The following IARS1 variants were observed in gnomAD, a reference collection of about 807,000 sequenced individuals.
IARS1 encodes isoleucine--tRNA ligase, cytoplasmic.
In IARS1, 124 loss-of-function variants were observed where a neutral mutation model predicts 168.2. That is an observed-to-expected ratio of 0.74 (90% CI 0.64 to 0.86). The LOEUF (loss-of-function observed/expected upper bound fraction) is 0.86. Among genes scored for constraint, IARS1 ranks in the 40% least tolerant of loss-of-function variants. IARS1 has a pLI of 0.00. For synonymous variants in IARS1, 532 were observed against 529.4 expected (o/e 1.00, Z -0.07); for missense variants, 1,452 against 1,515.8 (o/e 0.96, Z 0.70).
intron 26 of IARS1, among the ~76,000 whole-genome samples, 200 bp downstream of exon 26, chr9:92,247,175 CAG>C (rs1829320575): frequency 6.6e-6 from 1 of 151,478 alleles, no homozygotes; most frequent in Non-Finnish European, 1.5e-5. Flanking sequence ...GGATGGATGA[CAG>C]AGCGAGATTC....
chr9:92,289,160 T>C (rs912343434), intron 2 of IARS1, 141 bp downstream of exon 2: 35 of 505,904 alleles, frequency 6.9e-5, no homozygotes, highest in Non-Finnish European at 1.1e-4. Context: ...TGAGCAGAGA[T>C]TGCACCACTG....
At chr9:92,261,241 G>A (rs1482238416) in intron 17 of IARS1, among the ~76,000 whole-genome samples, 1 of 151,892 alleles carries the variant, frequency 6.6e-6, no homozygotes, top group African/African-American at 2.4e-5. Context: ...CCCAGGAGGT[G>A]GAGGCTGCAG....
chr9:92,277,646 G>C (rs1833950728), intron 9 of IARS1, among the ~76,000 whole-genome samples: 1 of 148,948 alleles, frequency 6.7e-6, no homozygotes, highest in Non-Finnish European at 1.5e-5. Context: ...CTGCACTCCA[G>C]CCTGGGGGAC....
chr9:92,285,259 T>C (rs965702422), intron 6 of IARS1, among the ~76,000 whole-genome samples: 5 of 152,182 alleles, frequency 3.3e-5, no homozygotes, highest in Admixed American at 2.0e-4. Flanking sequence ...ACCTCAATCA[T>C]AGCAACAACA....
At chr9:92,237,088 T>TA (rs1827661184) in intron 30 of IARS1, among the ~76,000 whole-genome samples, 1 of 152,208 alleles carries the variant, frequency 6.6e-6, no homozygotes, top group Non-Finnish European at 1.5e-5. Context: ...TCCTTCTTCT[T>TA]ACTTTGCATT....
At chr9:92,212,811 G>A (rs1256577349) in intron 33 of IARS1, among the ~76,000 whole-genome samples, 1 of 152,174 alleles carries the variant, frequency 6.6e-6, no homozygotes, top group African/African-American at 2.4e-5. Flanking sequence ...TAGCAAGACA[G>A]GGAAGGCCCA....
chr9:92,267,803 T>G (rs1230378401), intron 14 of IARS1, among the ~76,000 whole-genome samples: 1 of 152,212 alleles, frequency 6.6e-6, no homozygotes, highest in Non-Finnish European at 1.5e-5. Flanking sequence ...TCTTTTCAAG[T>G]TTTCTTTTTT....
At position 92,280,871 on chromosome 9, in the gene IARS1, A is replaced by G; in HGVS notation, c.620T>C (p.Phe207Ser). The change falls in exon 7 of 34, where the codon TTT becomes TCT. Residue 207 changes from phenylalanine (F) to serine (S), a missense_variant. Transcript: ENST00000443024. ...ATCTTCTTCCAAAGGGAAAGTTACA[A>G]ATACTGAAGGATCTTGAACATCCTG... ...NYKDVQDPSV[F>S]VTFPLEEDET... is the part of the protein sequence containing the mutation. 6.2e-7 allele frequency: 1 copy of G among 1,611,210 alleles called. No homozygotes were observed. Among genetic ancestry groups the G allele is most frequent in the South Asian group, 1.1e-5 (1 of 90,912 alleles).
intron 33 of IARS1, among the ~76,000 whole-genome samples, chr9:92,212,290 A>G (rs1048516953): frequency 6.6e-6 from 1 of 152,228 alleles, no homozygotes; most frequent in Non-Finnish European, 1.5e-5. Flanking sequence ...GAGAAAAGGC[A>G]TAATGAAAAC....
rs561585433 is a variant in IARS1, at chr9:92,243,363, C to A, written c.2905-52G>T. 4.1e-6 allele frequency: 5 copies of A among 1,231,118 alleles called. No homozygotes were observed. The East Asian group carries it at 1.2e-4, about 29-fold the overall frequency. 76.3% of individuals were successfully genotyped at this position (1,231,118 alleles called of 1,614,324 possible). A position where few individuals can be genotyped will look rare whatever the true frequency, so the allele number is the denominator to read the frequency against. ...GACAATCAAATAAGGAGAAACACTTCTTCCCAACTCAGCAAAATGTTATTT... is the reference window on the plus strand; with the variant it reads ...GACAATCAAATAAGGAGAAACACTTATTCCCAACTCAGCAAAATGTTATTT... On this transcript the variant is annotated intron_variant, in intron 27 of 33. Coordinates refer to ENST00000443024, the MANE Select transcript of IARS1 (RefSeq NM_002161.6).
At chr9:92,283,536 C>A (rs1049995814) in intron 6 of IARS1, among the ~76,000 whole-genome samples, 1 of 152,074 alleles carries the variant, frequency 6.6e-6, no homozygotes, top group Non-Finnish European at 1.5e-5. Flanking sequence ...CCCAGCTACT[C>A]GGGAGGCTGA....
intron 31 of IARS1, among the ~76,000 whole-genome samples, chr9:92,226,301 C>T (rs1006983542): frequency 1.3e-5 from 2 of 152,190 alleles, no homozygotes; most frequent in African/African-American, 4.8e-5. Flanking sequence ...TCCCATTATG[C>T]AATATCCCTG....
rs1480950312 is a variant in IARS1 at position 92,240,956 on chromosome 9, C to T, written c.3183G>A (p.Lys1061=). 1 of 1,602,650 alleles carries T rather than the reference C, an allele frequency of 6.2e-7. No individual in the cohort carries two copies. The highest frequency in any genetic ancestry group is 1.3e-5 in the African/African-American group (1 of 74,646). ...KVLIQEKTQL[K]GSELEITLTR... is the part of the protein sequence containing the mutation. ...TGAGTGTAATTTCCAGTTCAGATCC[C>T]TTCAACTGAGCACATGAGAACGTAT... The change falls in exon 30 of 34, where the codon AAG becomes AAA. Residue 1061 remains lysine, a synonymous_variant. Transcript: ENST00000443024.
intron 20 of IARS1, 82 bp from the exon 21 acceptor site, chr9:92,253,535 G>A: frequency 1.2e-6 from 1 of 837,840 alleles, no homozygotes; most frequent in Admixed American, 2.1e-5. Flanking sequence ...CAACAAAGAA[G>A]GGGCAGCTCC....
intron 27 of IARS1, 58 bp downstream of exon 27, chr9:92,244,901 T>C (rs1030824491): frequency 2.2e-6 from 3 of 1,379,290 alleles, no homozygotes; most frequent in Admixed American, 1.7e-5. Context: ...GGCAAATACT[T>C]TCTCCTCTTA....
At chr9:92,210,911 GA>G (rs35288957) in intron 33 of IARS1, 22 bp from the exon 34 acceptor site, 115,279 of 1,467,564 alleles carry the variant, frequency 0.079, 5,613 homozygotes, top group Non-Finnish European at 0.091. Flanking sequence ...AGAAAAAGTT[GA>G]AAAAAAATCA....
chr9:92,219,881 C>A (rs1314278319), intron 33 of IARS1, among the ~76,000 whole-genome samples: 1 of 151,696 alleles, frequency 6.6e-6, no homozygotes, highest in Non-Finnish European at 1.5e-5. Context: ...GGATCTAGAA[C>A]TGGAAATACC....
At position 92,278,187 on chromosome 9, in the gene IARS1, T is replaced by A. The variant is rs41276821; in HGVS notation, c.833+12A>T. The A allele has an allele frequency of 6.7e-7, 1 of 1,499,770 alleles. No individual in the cohort carries two copies. The highest frequency in any genetic ancestry group is 9.3e-7 in the Non-Finnish European group (1 of 1,075,618). 92.9% of individuals were successfully genotyped at this position (1,499,770 alleles called of 1,614,324 possible). A position where few individuals can be genotyped will look rare whatever the true frequency, so the allele number is the denominator to read the frequency against. ...ATGCACACAAACACAGAGCAACTAT[T>A]TGAATATTCACCTTTCAAGGATCTC... On this transcript the variant is annotated intron_variant, in intron 8 of 33. Transcript: ENST00000443024.
intron 30 of IARS1, among the ~76,000 whole-genome samples, chr9:92,236,611 C>T (rs1319372383): frequency 6.6e-6 from 1 of 152,126 alleles, no homozygotes; most frequent in Non-Finnish European, 1.5e-5. Flanking sequence ...TTTTGGGAGG[C>T]CAAAGAAGGC....
Sources: gnomAD v4.1 joint callset for allele counts (sites outside exome capture counted in the v4.1 genomes callset) on GRCh38, gnomAD v4.1.1 for gene constraint, MANE v1.5 for transcripts, NCBI Gene and HGNC (gene_info 2026-07-23, HGNC 2026-07-21) for gene names.